PDZRN3: variants seen among roughly 807,000 people sequenced by gnomAD.
The protein encoded by PDZRN3 is PDZ domain containing ring finger 3.
In PDZRN3, 38 loss-of-function variants were observed where a neutral mutation model predicts 85.7. The ratio of observed to expected loss-of-function variants is 0.44; its 90% CI spans 0.34 to 0.58. PDZRN3 has a LOEUF of 0.58. PDZRN3 is among the 20% of genes least tolerant of loss of function. The pLI is 0.01. For synonymous variants in PDZRN3, 759 were observed against 638.0 expected, an observed-to-expected ratio of 1.19 and a Z score of -2.86; for missense variants, 1,629 against 1,506.4, an observed-to-expected ratio of 1.08 and a Z score of -1.35.
At chr3:73,501,135 G>C (rs1055015611) in intron 3 of PDZRN3, among the ~76,000 whole-genome samples, 6 of 152,086 alleles carry the variant, frequency 3.9e-5, no homozygotes, top group Non-Finnish European at 8.8e-5. Context: ...GCTAACATTT[G>C]GCCATAATTA....
chr3:73,498,177 TC>T (rs1703904567), intron 3 of PDZRN3, among the ~76,000 whole-genome samples: 1 of 152,158 alleles, frequency 6.6e-6, no homozygotes, highest in East Asian at 1.9e-4. Context: ...TCCCTGTCAC[TC>T]CACTTGAAAA....
chr3:73,448,034 T>A (rs943581735), intron 3 of PDZRN3, among the ~76,000 whole-genome samples: 6 of 152,204 alleles, frequency 3.9e-5, no homozygotes, highest in Non-Finnish European at 8.8e-5. Context: ...CCACCTCTCT[T>A]CTGTCTCCAT....
intron 3 of PDZRN3, among the ~76,000 whole-genome samples, chr3:73,408,590 G>T (rs369956186): frequency 0.011 from 1,636 of 150,114 alleles, 25 homozygotes; most frequent in African/African-American, 0.039. Flanking sequence ...CTTGGAGGAG[G>T]GGGGGGGGTG....
At chr3:73,588,026 A>AT (rs1344310168) in intron 3 of PDZRN3, among the ~76,000 whole-genome samples, 3 of 152,210 alleles carry the variant, frequency 2.0e-5, no homozygotes, top group Non-Finnish European at 4.4e-5. Context: ...TTTAATAGGT[A>AT]TATGTGTGCC....
At chr3:73,497,601 G>C (rs1038459186) in intron 3 of PDZRN3, among the ~76,000 whole-genome samples, 3 of 152,136 alleles carry the variant, frequency 2.0e-5, no homozygotes, top group Non-Finnish European at 4.4e-5. Flanking sequence ...AATTCCAAAC[G>C]TATATAAAAG....
intron 3 of PDZRN3, among the ~76,000 whole-genome samples, chr3:73,471,254 A>G (rs571134818): frequency 1.1e-3 from 163 of 152,246 alleles, no homozygotes; most frequent in African/African-American, 3.8e-3. Flanking sequence ...GGAACGCCAA[A>G]GCTTGCCGGC....
intron 8 of PDZRN3, 87 bp downstream of exon 8, chr3:73,387,869 TCAAGTTCGCAGC>T: frequency 1.6e-6 from 1 of 633,306 alleles, no homozygotes; most frequent in African/African-American, 1.8e-5. Flanking sequence ...CAAAGCACCT[TCAAGTTCGCAGC>T]CAATACTCAG....
intron 3 of PDZRN3, among the ~76,000 whole-genome samples, chr3:73,595,555 T>C (rs1160082221): frequency 6.6e-6 from 1 of 152,102 alleles, no homozygotes; most frequent in East Asian, 1.9e-4. Context: ...AATGAAAAAA[T>C]ATATAATTAC....
intron 3 of PDZRN3, among the ~76,000 whole-genome samples, chr3:73,455,976 C>A (rs1702968165): frequency 6.6e-6 from 1 of 152,196 alleles, no homozygotes; most frequent in Non-Finnish European, 1.5e-5. Flanking sequence ...AGAGGGAGCA[C>A]AAACCCTGCA....
intron 3 of PDZRN3, among the ~76,000 whole-genome samples, chr3:73,491,142 C>G (rs3213823): frequency 0.66 from 100,823 of 151,672 alleles, 33,636 homozygotes; most frequent in East Asian, 0.84. Context: ...CCTTGTACCA[C>G]GCAAGCTCCT....
At chr3:73,601,300 T>C (rs985097688) in intron 3 of PDZRN3, among the ~76,000 whole-genome samples, 2 of 152,198 alleles carry the variant, frequency 1.3e-5, no homozygotes, top group Non-Finnish European at 2.9e-5. Context: ...CTCGTGGTCC[T>C]AGCTCCCACT....
At chr3:73,515,456 G>A (rs888733032) in intron 3 of PDZRN3, among the ~76,000 whole-genome samples, 24 of 152,090 alleles carry the variant, frequency 1.6e-4, no homozygotes, top group African/African-American at 5.3e-4. Context: ...GATTACAGGC[G>A]TGAGCCACCA....
chr3:73,620,287 G>T (rs898507617), intron 1 of PDZRN3, among the ~76,000 whole-genome samples: 1 of 152,170 alleles, frequency 6.6e-6, no homozygotes, highest in East Asian at 1.9e-4. Flanking sequence ...AAGAACAAAA[G>T]GTATCGAGGA....
chr3:73,527,896 T>C (rs1704561735), intron 3 of PDZRN3, among the ~76,000 whole-genome samples: 1 of 152,146 alleles, frequency 6.6e-6, no homozygotes, highest in African/African-American at 2.4e-5. Flanking sequence ...TTTACTCGCA[T>C]GAGGCAAAAC....
At chr3:73,566,309 G>A (rs973298273) in intron 3 of PDZRN3, among the ~76,000 whole-genome samples, 1 of 152,066 alleles carries the variant, frequency 6.6e-6, no homozygotes, top group Non-Finnish European at 1.5e-5. Flanking sequence ...AGATTAAAAT[G>A]GAATTATAAC....
rs1575769522 is a variant in PDZRN3, at chr3:73,624,357, C to T, written c.469G>A (p.Ala157Thr). 7.7e-7 allele frequency: 1 copy of T among 1,300,390 alleles called. No homozygotes were observed. 80.6% of individuals were successfully genotyped at this position (1,300,390 alleles called of 1,614,324 possible). A position where few individuals can be genotyped will look rare whatever the true frequency, so the allele number is the denominator to read the frequency against. ...GLPLTHGEQR[A>T]GGHCCARALR... is the part of the protein sequence containing the mutation. ...GCTCGCGCGCAGCAGTGGCCGCCCG[C>T]GCGCTGCTCGCCGTGCGTCAAGGGT... The change falls in exon 1 of 10, where the codon GCG (alanine) becomes ACG (threonine). Residue 157 changes from alanine to threonine, a missense_variant. Coordinates refer to ENST00000263666, the MANE Select transcript of PDZRN3 (RefSeq NM_015009.3).
At chr3:73,573,811 C>CTATACA (rs60904712) in intron 3 of PDZRN3, among the ~76,000 whole-genome samples, 2,930 of 149,238 alleles carry the variant, frequency 0.02, 57 homozygotes, top group East Asian at 0.044. Context: ...ACACATACAC[C>CTATACA]TATACATATA....
chr3:73,472,342 G>A (rs1703360909), intron 3 of PDZRN3, among the ~76,000 whole-genome samples: 1 of 152,184 alleles, frequency 6.6e-6, no homozygotes, highest in African/African-American at 2.4e-5. Flanking sequence ...TTTTAAATAG[G>A]CCTTTGGGAT....
intron 3 of PDZRN3, among the ~76,000 whole-genome samples, chr3:73,434,849 G>C (rs1368438559): frequency 1.3e-5 from 2 of 152,196 alleles, no homozygotes; most frequent in Non-Finnish European, 2.9e-5. Context: ...TTGCTGCCTT[G>C]CTTCTCTCCT....
Sources: allele counts gnomAD v4.1 joint callset (sites outside exome capture counted in the v4.1 genomes callset), GRCh38; gene constraint gnomAD v4.1.1; transcripts MANE v1.5; gene names NCBI Gene and HGNC (gene_info 2026-07-23, HGNC 2026-07-21).